Variants in OPHN1 observed in about 807,000 individuals in gnomAD.
The protein encoded by OPHN1 is oligophrenin-1.
In OPHN1, 11 loss-of-function variants were observed where a neutral mutation model predicts 60.7. The ratio of observed to expected loss-of-function variants is 0.18; its 90% CI spans 0.11 to 0.30. OPHN1 has a LOEUF of 0.30. Ranked by LOEUF, OPHN1 falls within the 10% of genes least tolerant of loss-of-function variation. OPHN1 has a pLI of 1.00. For synonymous variants in OPHN1, 226 were observed against 222.6 expected, an observed-to-expected ratio of 1.02 and a Z score of -0.14; for missense variants, 449 against 611.0, an observed-to-expected ratio of 0.73 and a Z score of 2.80.
In OPHN1 at chrX:68,043,957, G is replaced by A. The variant is rs1281979111; in HGVS notation, c.*3215C>T. The A allele has an allele frequency of 1.8e-5, 2 of 111,698 alleles. No homozygotes were observed. Among genetic ancestry groups the A allele is most frequent in the East Asian group, 2.8e-4 (1 of 3,577 alleles). 9.2% of individuals were successfully genotyped at this position (111,698 alleles called of 1,213,427 possible). A position where few individuals can be genotyped will look rare whatever the true frequency, so the allele number is the denominator to read the frequency against. ...TGGCGAAGTATGGAGACACCTGTGA[G>A]GACCTTTTTACTTTTTGAAAAATGG... is the stretch of plus-strand genomic sequence containing the variant. On this transcript the variant is annotated 3_prime_UTR_variant, in exon 25 of 25. Coordinates refer to ENST00000355520, the MANE Select transcript of OPHN1 (RefSeq NM_002547.3).
intron 23 of OPHN1, among the ~76,000 whole-genome samples, chrX:68,051,784 G>T (rs913426838): frequency 1.8e-5 from 2 of 112,448 alleles, no homozygotes; most frequent in African/African-American, 3.2e-5. Context: ...ACACAAGTGT[G>T]CACAGACATA....
intron 19 of OPHN1, among the ~76,000 whole-genome samples, chrX:68,094,219 G>A (rs1022808860): frequency 9.0e-6 from 1 of 111,050 alleles, no homozygotes; most frequent in Non-Finnish European, 1.9e-5. Context: ...GCCATACTCT[G>A]TAGGGCTATT....
intron 2 of OPHN1, among the ~76,000 whole-genome samples, chrX:68,333,426 G>A (rs1409394486): frequency 3.6e-5 from 4 of 109,778 alleles, no homozygotes; most frequent in East Asian, 2.9e-4. Flanking sequence ...ACCTGAGGCC[G>A]GGAGTTTGAG....
chrX:68,230,806 C>T (rs1484044418), intron 6 of OPHN1, among the ~76,000 whole-genome samples: 1 of 107,068 alleles, frequency 9.3e-6, no homozygotes, highest in Non-Finnish European at 1.9e-5. Flanking sequence ...GGAGATAGAC[C>T]TAATGTAAAT....
In OPHN1 at chrX:68,310,060, G is replaced by A. The variant is rs895491516; in HGVS notation, c.155-10964C>T. On this transcript the variant is annotated intron_variant, in intron 2 of 24. Transcript: ENST00000355520. ...TGATGGCTGCTGAAAACGTGGAGAGGCTCACAGGTACCTAACCCTGTATTT... is the reference window on the plus strand; with the variant it reads ...TGATGGCTGCTGAAAACGTGGAGAGACTCACAGGTACCTAACCCTGTATTT... Among the ~76,000 whole-genome samples the A allele has an allele frequency of 3.6e-5, 4 of 112,126 alleles. No individual in the cohort carries two copies. The South Asian group carries it at 1.5e-3, about 42-fold the overall frequency.
chrX:68,106,140 A>G (rs2077081009), intron 18 of OPHN1, among the ~76,000 whole-genome samples: 1 of 108,041 alleles, frequency 9.3e-6, no homozygotes, highest in African/African-American at 3.4e-5. Context: ...AAAAAACCTG[A>G]ACTATATTAA....
chrX:68,362,012 G>T (rs1264727536), intron 2 of OPHN1, among the ~76,000 whole-genome samples: 3 of 111,944 alleles, frequency 2.7e-5, no homozygotes, highest in African/African-American at 9.7e-5. Context: ...CCATTTATAT[G>T]TCTTCTTTTG....
intron 19 of OPHN1, among the ~76,000 whole-genome samples, chrX:68,094,193 C>T (rs1230353597): frequency 3.6e-5 from 4 of 110,917 alleles, no homozygotes; most frequent in Non-Finnish European, 7.6e-5. Flanking sequence ...TTTGTACCTT[C>T]ATGAAAAATA....
intron 2 of OPHN1, among the ~76,000 whole-genome samples, chrX:68,398,733 G>A (rs2078698080): frequency 9.0e-6 from 1 of 111,284 alleles, no homozygotes; most frequent in Non-Finnish European, 1.9e-5. Context: ...CGGATCACCT[G>A]AGGTCAGGAG....
At chrX:68,299,129 A>G (rs1264832916) in intron 2 of OPHN1, 33 bp from the exon 3 acceptor site, 1 of 905,675 alleles carries the variant, frequency 1.1e-6, no homozygotes, top group East Asian at 3.3e-5. Flanking sequence ...GAAATGTTCA[A>G]CAATGCTATG....
chrX:68,207,718 AG>A (rs1165847124), intron 9 of OPHN1, among the ~76,000 whole-genome samples: 2 of 111,527 alleles, frequency 1.8e-5, no homozygotes, highest in Non-Finnish European at 3.8e-5. Flanking sequence ...TTACCTTTCT[AG>A]CTTTTTCTTT....
At position 68,391,343 on chromosome X, in the gene OPHN1, T is replaced by G. The variant is rs186598012; in HGVS notation, c.154+41524A>C. ...AATATTTTTGTGTTTTTCTCTTTTT[T>G]TGCAATTTCTAAAATATCCACAATG... On this transcript the variant is annotated intron_variant, in intron 2 of 24. Coordinates refer to ENST00000355520, the MANE Select transcript of OPHN1 (RefSeq NM_002547.3). Among the ~76,000 whole-genome samples the G allele has an allele frequency of 2.7e-3, 302 of 111,872 alleles. 1 individual carries two copies. The highest frequency in any genetic ancestry group is 9.3e-3 in the African/African-American group (288 of 30,882).
intron 15 of OPHN1, among the ~76,000 whole-genome samples, chrX:68,128,123 C>G (rs2077179226): frequency 9.1e-6 from 1 of 109,312 alleles, no homozygotes; most frequent in Non-Finnish European, 1.9e-5. Flanking sequence ...GGTCATGGCT[C>G]ACTTCAGCCT....
At position 68,212,126 on chromosome X, in the gene OPHN1, G is replaced by C; in HGVS notation, c.684C>G (p.Leu228=). The change falls in exon 8 of 25, where the codon CTC becomes CTG. Residue 228 remains leucine, a synonymous_variant. Coordinates refer to ENST00000355520, the MANE Select transcript of OPHN1 (RefSeq NM_002547.3). The stretch of plus-strand genomic sequence containing the variant: ...AACTCACATTCTGTAAACTGAGTTG[G>C]AGCTGTTGTTTGTATGGGAGGAAAT... ...TQDFLPYKQQ[L]QLSLQNTRNH... The C allele has an allele frequency of 8.4e-7, 1 of 1,196,407 alleles. No homozygotes were observed. Among genetic ancestry groups the C allele is most frequent in the Non-Finnish European group, 1.1e-6 (1 of 882,774 alleles).
intron 23 of OPHN1, among the ~76,000 whole-genome samples, chrX:68,050,213 A>G (rs1249765331): frequency 1.8e-5 from 2 of 111,665 alleles, no homozygotes; most frequent in Non-Finnish European, 3.8e-5. Context: ...CCCTATGTGG[A>G]TGCTGAGTGG....
At chrX:68,318,304 T>A (rs2147657323) in intron 2 of OPHN1, among the ~76,000 whole-genome samples, 1 of 112,278 alleles carries the variant, frequency 8.9e-6, no homozygotes, top group African/African-American at 3.2e-5. Flanking sequence ...TTATGTATTA[T>A]AAGACTCAAC....
chrX:68,232,493 T>C (rs2077733405), intron 6 of OPHN1, among the ~76,000 whole-genome samples: 1 of 111,607 alleles, frequency 9.0e-6, no homozygotes, highest in African/African-American at 3.3e-5. Flanking sequence ...GGGAAGCTCA[T>C]AAGAGAATGA....
At chrX:68,233,426 A>C (rs180801444) in intron 6 of OPHN1, among the ~76,000 whole-genome samples, 75 of 111,987 alleles carry the variant, frequency 6.7e-4, no homozygotes, top group African/African-American at 2.4e-3. Flanking sequence ...ATTATTACTG[A>C]ATCTTTCATT....
intron 15 of OPHN1, among the ~76,000 whole-genome samples, chrX:68,129,405 T>C (rs1176605084): frequency 8.9e-6 from 1 of 111,845 alleles, no homozygotes; most frequent in Non-Finnish European, 1.9e-5. Flanking sequence ...GATTAATTCA[T>C]TGGGTCCATG....
Sources: allele counts gnomAD v4.1 joint callset (sites outside exome capture counted in the v4.1 genomes callset), GRCh38; gene constraint gnomAD v4.1.1; transcripts MANE v1.5; gene names NCBI Gene and HGNC (gene_info 2026-07-23, HGNC 2026-07-21).